The following ABCC8 variants were observed in gnomAD, a reference collection of about 807,000 sequenced individuals.
ABCC8 encodes the protein ATP-binding cassette sub-family C member 8.
Under a neutral mutation model 188.0 loss-of-function variants are expected in ABCC8, and 137 were observed. The observed-to-expected ratio is 0.73, with a 90% CI of 0.63 to 0.84. The LOEUF (loss-of-function observed/expected upper bound fraction) is 0.84. Ranked by LOEUF, ABCC8 falls within the 40% of genes least tolerant of loss-of-function variation. The pLI, the probability that ABCC8 is intolerant of heterozygous loss-of-function variation, is 0.00. For missense variants in ABCC8, 1,750 were observed against 2,072.7 expected (o/e 0.84, Z 3.02); for synonymous variants, 797 against 846.5 (o/e 0.94, Z 1.01).
intron 4 of ABCC8, among the ~76,000 whole-genome samples, chr11:17,463,200 C>A (rs979164247): frequency 6.6e-6 from 1 of 152,162 alleles, no homozygotes; most frequent in African/African-American, 2.4e-5. Context: ...CCAACCTCAG[C>A]GAACACACCC....
chr11:17,421,233 A>C (rs1955326586), intron 16 of ABCC8, among the ~76,000 whole-genome samples: 2 of 152,228 alleles, frequency 1.3e-5, no homozygotes, highest in African/African-American at 4.8e-5. Context: ...ATAATCCCTC[A>C]AGGAGCTCAG....
At chr11:17,454,066 C>T (rs1956907657) in intron 6 of ABCC8, among the ~76,000 whole-genome samples, 1 of 152,184 alleles carries the variant, frequency 6.6e-6, no homozygotes, top group African/African-American at 2.4e-5. Flanking sequence ...TCAATATTTC[C>T]ATGAAGACAG....
chr11:17,448,436 C>T, intron 8 of ABCC8, 80 bp downstream of exon 8: 1 of 1,273,692 alleles, frequency 7.9e-7, no homozygotes, highest in Non-Finnish European at 1.1e-6. Context: ...ACGGTGTGCT[C>T]CTAGTTACTG....
chr11:17,470,115 G>C lies in ABCC8; in HGVS notation c.398C>G (p.Pro133Arg). 1 of 1,614,140 alleles carries C rather than the reference G, an allele frequency of 6.2e-7. No homozygotes were observed. Among genetic ancestry groups the C allele is most frequent in the Admixed American group, 1.7e-5 (1 of 60,024 alleles). Reference protein sequence around the residue: ...YYHNIETSNFPKLLIALLVYW... With the variant: ...YYHNIETSNFRKLLIALLVYW... ...ACCTCACCTACCAATTAGCAGCTTG[G>C]GGAAGTTGGAAGTCTCGATGTTGTG... The change falls in exon 3 of 39, where the codon CCC becomes CGC. Residue 133 changes from proline to arginine, a missense_variant. Coordinates refer to ENST00000389817, the MANE Select transcript of ABCC8 (RefSeq NM_000352.6).
chr11:17,396,748 G>C (rs1329544050), intron 33 of ABCC8, 168 bp downstream of exon 33: 1 of 826,990 alleles, frequency 1.2e-6, no homozygotes, highest in Non-Finnish European at 1.9e-6. Context: ...TAGAAGGAGA[G>C]GAAAGATGGG....
chr11:17,450,324 T>TTCTTTCTTTC (rs1247575910), intron 7 of ABCC8, among the ~76,000 whole-genome samples: 10 of 75,710 alleles, frequency 1.3e-4, no homozygotes, highest in Admixed American at 4.3e-4. Flanking sequence ...CTTTCTTTCT[T>TTCTTTCTTTC]TCTCTCTCTC....
chr11:17,402,600 G>T (rs1954300338), intron 29 of ABCC8, 61 bp downstream of exon 29: 2 of 1,613,980 alleles, frequency 1.2e-6, no homozygotes, highest in African/African-American at 2.7e-5. Flanking sequence ...AAATCTCATG[G>T]CCTGTGCCCC....
chr11:17,448,468 G>C (rs1241226337), intron 8 of ABCC8, 48 bp downstream of exon 8: 3 of 1,549,830 alleles, frequency 1.9e-6, no homozygotes, highest in African/African-American at 1.4e-5. Flanking sequence ...GCAGATTCTG[G>C]TTGTGTGTCC....
intron 10 of ABCC8, among the ~76,000 whole-genome samples, chr11:17,437,866 A>T (rs1449075109): frequency 6.6e-6 from 1 of 152,236 alleles, no homozygotes; most frequent in Non-Finnish European, 1.5e-5. Flanking sequence ...TGGGAGGCCA[A>T]GGCAGGTGGA....
intron 16 of ABCC8, 93 bp downstream of exon 16, chr11:17,426,956 G>A: frequency 8.5e-6 from 12 of 1,413,934 alleles, no homozygotes; most frequent in Admixed American, 2.0e-5. Flanking sequence ...AACACAGAGT[G>A]GGCCCTCCAA....
At chr11:17,448,112 TTTC>T (rs1020963137) in intron 8 of ABCC8, 1 of 189,076 alleles carries the variant, frequency 5.3e-6, no homozygotes, top group African/African-American at 2.4e-5. Flanking sequence ...TTTTCTTTTC[TTTC>T]TTCTTTTTTT....
At chr11:17,439,691 C>T (rs552839366) in intron 10 of ABCC8, among the ~76,000 whole-genome samples, 45 of 152,276 alleles carry the variant, frequency 3.0e-4, no homozygotes, top group Non-Finnish European at 4.7e-4. Flanking sequence ...TCAAAGCTCT[C>T]CCCAGGGGCT....
In ABCC8 at chr11:17,397,254, C is replaced by G. The variant is rs1409484250; in HGVS notation, c.3927G>C (p.Gly1309=). The G allele has an allele frequency of 6.2e-7, 1 of 1,613,688 alleles. No individual in the cohort carries two copies. The highest frequency in any genetic ancestry group is 1.7e-5 in the Admixed American group (1 of 60,024). Residue 1309 remains glycine (G), a synonymous_variant, in exon 32 of 39, where the codon GGG becomes GGC. Transcript: ENST00000389817. ...RNLADMELQL[G]AVKRIHGLLK... ...GGAGCCCATGGATGCGCTTCACAGC[C>G]CCCAGCTGGAGCTCCATGTCTGCCA...
At chr11:17,435,702 T>C (rs1591816655) in intron 10 of ABCC8, 1 of 1,377,080 alleles carries the variant, frequency 7.3e-7, no homozygotes. Context: ...CAGAGGACAG[T>C]ACAGTAAGAA....
intron 8 of ABCC8, among the ~76,000 whole-genome samples, chr11:17,447,835 T>C (rs1434162964): frequency 6.6e-6 from 1 of 152,238 alleles, no homozygotes. Flanking sequence ...TTTCCAAATC[T>C]TATACACGCT....
chr11:17,428,469 T>C (rs1282733841), intron 13 of ABCC8, 64 bp from the exon 14 acceptor site: 13 of 1,602,452 alleles, frequency 8.1e-6, no homozygotes, highest in Non-Finnish European at 1.1e-5. Context: ...GGAGCCCCTC[T>C]TCCTGGGAAA....
At chr11:17,473,113 G>A (rs1187145505) in intron 2 of ABCC8, among the ~76,000 whole-genome samples, 3 of 152,192 alleles carry the variant, frequency 2.0e-5, no homozygotes. Flanking sequence ...TGAATGACTT[G>A]TGCAAAGTCC....
At chr11:17,426,985 C>T in intron 16 of ABCC8, 64 bp downstream of exon 16, 2 of 1,586,248 alleles carry the variant, frequency 1.3e-6, no homozygotes, top group Non-Finnish European at 1.7e-6. Flanking sequence ...TGTGCATCCT[C>T]AACTGAGGAG....
chr11:17,438,456 A>AT, intron 10 of ABCC8, among the ~76,000 whole-genome samples: 1 of 152,162 alleles, frequency 6.6e-6, no homozygotes, highest in Admixed American at 6.5e-5. Flanking sequence ...CCTCTTTAAC[A>AT]TCCAGAACCT....
Sources: allele counts gnomAD v4.1 joint callset (sites outside exome capture counted in the v4.1 genomes callset), GRCh38; gene constraint gnomAD v4.1.1; transcripts MANE v1.5; gene names NCBI Gene and HGNC (gene_info 2026-07-23, HGNC 2026-07-21).